The following KCNIP1 variants were observed in gnomAD, a reference collection of about 807,000 sequenced individuals.
KCNIP1 encodes the protein A-type potassium channel modulatory protein KCNIP1.
Under a neutral mutation model 33.0 loss-of-function variants are expected in KCNIP1, and 18 were observed. The observed-to-expected ratio is 0.55, with a 90% CI of 0.38 to 0.81. The LOEUF (loss-of-function observed/expected upper bound fraction) is 0.81, where lower values mean the gene tolerates loss of function less well. KCNIP1 is among the 30% of genes least tolerant of loss of function. The pLI, the probability that KCNIP1 is intolerant of heterozygous loss-of-function variation, is 0.00. For synonymous variants in KCNIP1, 93 were observed against 98.3 expected (o/e 0.95, Z 0.32); for missense variants, 238 against 271.6 (o/e 0.88, Z 0.87).
intron 1 of KCNIP1, among the ~76,000 whole-genome samples, chr5:170,373,441 A>T (rs903996889): frequency 6.6e-6 from 1 of 152,244 alleles, no homozygotes; most frequent in Non-Finnish European, 1.5e-5. Context: ...TGCTTAAAAA[A>T]TATTAAGGAT....
intron 1 of KCNIP1, among the ~76,000 whole-genome samples, chr5:170,635,363 C>G (rs1392187930): frequency 6.6e-6 from 1 of 152,160 alleles, no homozygotes; most frequent in African/African-American, 2.4e-5. Context: ...TTCTAAGAGT[C>G]TCTTTCAGTT....
chr5:170,711,754 T>C (rs1763452934), intron 1 of KCNIP1, among the ~76,000 whole-genome samples: 2 of 152,130 alleles, frequency 1.3e-5, no homozygotes, highest in Non-Finnish European at 2.9e-5. Context: ...TAAATACAAA[T>C]GCCACCTCAC....
chr5:170,446,960 C>A (rs1756131090), intron 1 of KCNIP1, among the ~76,000 whole-genome samples: 2 of 152,246 alleles, frequency 1.3e-5, no homozygotes, highest in Admixed American at 1.3e-4. Context: ...GGTGTTCCTG[C>A]ATTAAGCAAT....
intron 1 of KCNIP1, among the ~76,000 whole-genome samples, chr5:170,709,904 G>A (rs1447578840): frequency 6.6e-6 from 1 of 150,692 alleles, no homozygotes; most frequent in Non-Finnish European, 1.5e-5. Context: ...ATCTCACTTT[G>A]TTGCCCAGCC....
chr5:170,546,091 C>T (rs1756398145), intron 1 of KCNIP1, among the ~76,000 whole-genome samples: 1 of 152,226 alleles, frequency 6.6e-6, no homozygotes, highest in African/African-American at 2.4e-5. Flanking sequence ...TCGACCACCT[C>T]TGGCTTTTCC....
intron 1 of KCNIP1, among the ~76,000 whole-genome samples, chr5:170,403,044 G>A (rs1235810021): frequency 2.6e-5 from 4 of 152,066 alleles, no homozygotes; most frequent in East Asian, 1.9e-4. Flanking sequence ...ATCTATATGC[G>A]TGCCAGGAAC....
intron 1 of KCNIP1, among the ~76,000 whole-genome samples, chr5:170,547,494 A>T (rs898561512): frequency 1.3e-5 from 2 of 152,076 alleles, no homozygotes; most frequent in Non-Finnish European, 2.9e-5. Flanking sequence ...TAAGCTTAGT[A>T]TCCATTAGTT....
intron 1 of KCNIP1, among the ~76,000 whole-genome samples, chr5:170,595,323 G>C (rs148927398): frequency 6.6e-6 from 1 of 152,230 alleles, no homozygotes; most frequent in East Asian, 1.9e-4. Flanking sequence ...AGGGAGCTGC[G>C]TCTGAGGGGC....
Position 170,590,883 on chromosome 5 carries a change from T to C in KCNIP1, c.61+86250T>C, listed in dbSNP as rs1758225916. 3.9e-5 allele frequency among the ~76,000 whole-genome samples: 6 copies of C among 152,268 alleles called. No homozygotes were observed. In the South Asian group the frequency reaches 1.2e-3, roughly 32 times the overall value. On this transcript the variant is annotated intron_variant, in intron 1 of 7. Transcript: ENST00000328939. ...ATCCTGAAGCTCCCCATCCTCGCCC[T>C]TACACTGCTGGCTGGGAAAGGGAGC...
At chr5:170,626,996 G>C (rs1020623631) in intron 1 of KCNIP1, among the ~76,000 whole-genome samples, 5 of 152,208 alleles carry the variant, frequency 3.3e-5, no homozygotes, top group Non-Finnish European at 7.3e-5. Context: ...GACAGGGACA[G>C]GGAGATGGGA....
chr5:170,701,530 T>G (rs1328979276), intron 1 of KCNIP1, among the ~76,000 whole-genome samples: 1 of 152,186 alleles, frequency 6.6e-6, no homozygotes, highest in Non-Finnish European at 1.5e-5. Context: ...CTCAGCTAAT[T>G]AATCCCAGCT....
At chr5:170,415,121 A>G (rs1755293520) in intron 1 of KCNIP1, among the ~76,000 whole-genome samples, 1 of 152,112 alleles carries the variant, frequency 6.6e-6, no homozygotes, top group Non-Finnish European at 1.5e-5. Flanking sequence ...TTTTTCTGTG[A>G]GTAGACGCCA....
intron 1 of KCNIP1, among the ~76,000 whole-genome samples, chr5:170,369,913 G>A (rs1266384913): frequency 1.3e-5 from 2 of 152,246 alleles, no homozygotes; most frequent in African/African-American, 4.8e-5. Flanking sequence ...GACTCTCAAG[G>A]AAGCTGGTCC....
intron 1 of KCNIP1, among the ~76,000 whole-genome samples, chr5:170,358,820 C>T (rs1763419445): frequency 6.6e-6 from 1 of 152,108 alleles, no homozygotes; most frequent in Non-Finnish European, 1.5e-5. Context: ...TGTCGTGGCT[C>T]CCCTGGTGAG....
chr5:170,444,474 T>C (rs2113047176), intron 1 of KCNIP1, among the ~76,000 whole-genome samples: 1 of 152,250 alleles, frequency 6.6e-6, no homozygotes, highest in East Asian at 1.9e-4. Flanking sequence ...GCCAGCTGAT[T>C]GACAACCTTA....
chr5:170,354,350 A>G (rs1260800694), intron 1 of KCNIP1, among the ~76,000 whole-genome samples: 1 of 152,172 alleles, frequency 6.6e-6, no homozygotes, highest in African/African-American at 2.4e-5. Context: ...GTGGGTTGTG[A>G]GTAATTCTGC....
chr5:170,371,949 C>A lies in KCNIP1; in HGVS notation c.88+17985C>A, dbSNP rs183762685. On this transcript the variant is annotated intron_variant, in intron 1 of 7. Transcript: ENST00000377360. Reference sequence around the variant, plus strand: ...CTACTGATACCAACTAGTTTGGACACCAACTGGGTGTCCTACAATTTAATT... The same window carrying A: ...CTACTGATACCAACTAGTTTGGACAACAACTGGGTGTCCTACAATTTAATT... Among the ~76,000 whole-genome samples the A allele has an allele frequency of 9.2e-5, 14 of 152,324 alleles. No individual in the cohort carries two copies. In the East Asian group the frequency reaches 2.7e-3, roughly 29 times the overall value.
intron 1 of KCNIP1, among the ~76,000 whole-genome samples, chr5:170,460,148 C>T (rs1294164790): frequency 3.3e-5 from 5 of 152,050 alleles, no homozygotes; most frequent in South Asian, 4.2e-4. Context: ...AGGGAGAATT[C>T]GATACCATGA....
At chr5:170,624,874 CAGG>C (rs1420251538) in intron 1 of KCNIP1, among the ~76,000 whole-genome samples, 1 of 152,168 alleles carries the variant, frequency 6.6e-6, no homozygotes, top group Non-Finnish European at 1.5e-5. Flanking sequence ...AGAGTAGAGG[CAGG>C]GTCTTCTGTC....
Sources: allele counts gnomAD v4.1 joint callset (sites outside exome capture counted in the v4.1 genomes callset), GRCh38; gene constraint gnomAD v4.1.1; transcripts MANE v1.5; gene names NCBI Gene and HGNC (gene_info 2026-07-23, HGNC 2026-07-21).